The following SLCO1B1 variants were observed in gnomAD, a reference collection of about 807,000 sequenced individuals.
SLCO1B1 encodes the protein OATP-2.
A neutral mutation model predicts 70.1 loss-of-function variants in SLCO1B1; 81 were observed. The observed-to-expected ratio is 1.16, with a 90% CI of 0.97 to 1.39. The LOEUF (loss-of-function observed/expected upper bound fraction) is 1.39. Ranked by LOEUF, SLCO1B1 falls within the 40% of genes most tolerant of loss-of-function variation. The pLI is 0.00. For synonymous variants in SLCO1B1, 283 were observed against 271.5 expected, an observed-to-expected ratio of 1.04 and a Z score of -0.42; for missense variants, 895 against 799.6, an observed-to-expected ratio of 1.12 and a Z score of -1.44.
chr12:21,160,113 A>AAG (rs1216347657), intron 2 of SLCO1B1, among the ~76,000 whole-genome samples: 9 of 151,568 alleles, frequency 5.9e-5, no homozygotes, highest in African/African-American at 1.9e-4. Context: ...AACTAAAAAA[A>AAG]AAAAAAAAAA....
chr12:21,216,479 A>G (rs1392955703), intron 11 of SLCO1B1, among the ~76,000 whole-genome samples: 2 of 152,156 alleles, frequency 1.3e-5, no homozygotes, highest in African/African-American at 4.8e-5. Context: ...AAAATCTGAA[A>G]TCACTTGTTT....
chr12:21,165,450 A>G (rs978802894), intron 2 of SLCO1B1, among the ~76,000 whole-genome samples: 1 of 152,138 alleles, frequency 6.6e-6, no homozygotes. Context: ...AACGTCTGAG[A>G]AGATTGTATC....
At chr12:21,179,613 G>C (rs1430313384) in intron 7 of SLCO1B1, among the ~76,000 whole-genome samples, 1 of 152,144 alleles carries the variant, frequency 6.6e-6, no homozygotes, top group Non-Finnish European at 1.5e-5. Context: ...AGATGAAAGA[G>C]ATGCCATGTT....
intron 2 of SLCO1B1, among the ~76,000 whole-genome samples, chr12:21,149,558 C>T (rs1042544458): frequency 4.6e-5 from 7 of 152,038 alleles, no homozygotes; most frequent in Middle Eastern, 3.2e-3. Context: ...GGGGGCAAGC[C>T]GAAGCAGGGT....
Position 21,172,779 on chromosome 12 carries a change from A to C in SLCO1B1, c.214A>C (p.Ser72Arg). 1 of 1,613,124 alleles carries C rather than the reference A, an allele frequency of 6.2e-7. No homozygotes were observed. Among genetic ancestry groups the C allele is most frequent in the Middle Eastern group, 1.7e-4 (1 of 6,054 alleles). ...SSSLVGFIDGSFEIGNLLVIV... is the reference protein window; with the variant it reads ...SSSLVGFIDGRFEIGNLLVIV... Reference sequence around the variant, plus strand: ...TTCTCTTGTTGGTTTTATTGACGGAAGCTTTGAAATTGGTAACATTTATTT... The same window carrying C: ...TTCTCTTGTTGGTTTTATTGACGGACGCTTTGAAATTGGTAACATTTATTT... The change falls in exon 3 of 15, where the codon AGC becomes CGC. Residue 72 changes from serine to arginine, a missense_variant. Ser to Arg is a moderately radical substitution (Grantham distance 110, BLOSUM62 -1). Coordinates refer to ENST00000256958, the MANE Select transcript of SLCO1B1 (RefSeq NM_006446.5).
At chr12:21,206,947 G>T (rs1208448861) in intron 11 of SLCO1B1, among the ~76,000 whole-genome samples, 1 of 151,794 alleles carries the variant, frequency 6.6e-6, no homozygotes, top group Non-Finnish European at 1.5e-5. Context: ...ATAAGGAATG[G>T]CATGTAGAAT....
chr12:21,138,698 A>T (rs1447324584), intron 1 of SLCO1B1, among the ~76,000 whole-genome samples: 3 of 152,158 alleles, frequency 2.0e-5, no homozygotes, highest in Non-Finnish European at 4.4e-5. Flanking sequence ...GTACAGCAGG[A>T]TGGGAGATAT....
In SLCO1B1 at chr12:21,202,622, C is replaced by G. The variant is rs757578181; in HGVS notation, c.1267C>G (p.Leu423Val). Residue 423 changes from leucine to valine, a missense_variant, in exon 10 of 15, where the codon CTA (leucine) becomes GTA (valine). By Grantham distance (32) the Leu-to-Val change is conservative (BLOSUM62 1). Transcript: ENST00000256958. ...TGCTGTGATGTCATTGTCCTTTTAC[C>G]TATTATATTTTTTCATACTCTGTGA... The part of the protein sequence containing the change: ...FTAVMSLSFY[L>V]LYFFILCENK... The G allele has an allele frequency of 6.2e-7, 1 of 1,612,822 alleles. No homozygotes were observed. Among genetic ancestry groups the G allele is most frequent in the East Asian group, 2.2e-5 (1 of 44,752 alleles).
At chr12:21,236,251 T>C (rs1246962778) in intron 14 of SLCO1B1, among the ~76,000 whole-genome samples, 1 of 152,102 alleles carries the variant, frequency 6.6e-6, no homozygotes, top group Admixed American at 6.6e-5. Context: ...CCCACTCTTT[T>C]AGGGGAAGAA....
At chr12:21,189,534 G>A (rs1941004565) in intron 7 of SLCO1B1, among the ~76,000 whole-genome samples, 1 of 151,630 alleles carries the variant, frequency 6.6e-6, no homozygotes, top group South Asian at 2.1e-4. Flanking sequence ...TGCAATCTCT[G>A]CCTGCCAGGT....
intron 14 of SLCO1B1, among the ~76,000 whole-genome samples, chr12:21,233,584 A>AG (rs1565446220): frequency 7.8e-6 from 1 of 128,026 alleles, no homozygotes; most frequent in Non-Finnish European, 1.6e-5. Context: ...AAAAAAAAAA[A>AG]CAAGAGCCCC....
chr12:21,145,298 T>A (rs1940365393), intron 2 of SLCO1B1, among the ~76,000 whole-genome samples: 1 of 151,994 alleles, frequency 6.6e-6, no homozygotes, highest in African/African-American at 2.4e-5. Flanking sequence ...AGTTCCAACA[T>A]AGTAGCATTA....
intron 14 of SLCO1B1, among the ~76,000 whole-genome samples, chr12:21,232,522 T>C (rs1372379932): frequency 1.3e-5 from 2 of 152,030 alleles, no homozygotes; most frequent in African/African-American, 2.4e-5. Context: ...GCTTAAAAAG[T>C]AGGCTTATAG....
At chr12:21,176,634 T>C in intron 4 of SLCO1B1, 142 bp from the exon 5 acceptor site, 1 of 651,788 alleles carries the variant, frequency 1.5e-6, no homozygotes, top group Non-Finnish European at 2.7e-6. Flanking sequence ...TTAAAACACA[T>C]GCTGGGAAAT....
At chr12:21,210,130 T>C (rs966035644) in intron 11 of SLCO1B1, among the ~76,000 whole-genome samples, 22 of 147,514 alleles carry the variant, frequency 1.5e-4, no homozygotes, top group African/African-American at 5.2e-4. Flanking sequence ...ATGAATTCCT[T>C]GCCCATGCCT....
intron 1 of SLCO1B1, among the ~76,000 whole-genome samples, chr12:21,139,625 T>C (rs1481740432): frequency 1.3e-5 from 2 of 152,148 alleles, no homozygotes; most frequent in East Asian, 1.9e-4. Flanking sequence ...TCACAGATTC[T>C]ATATAAGAAA....
At chr12:21,160,877 G>A (rs1940609551) in intron 2 of SLCO1B1, among the ~76,000 whole-genome samples, 1 of 151,768 alleles carries the variant, frequency 6.6e-6, no homozygotes, top group South Asian at 2.1e-4. Context: ...TTCAAAAGAA[G>A]ACATACACAT....
chr12:21,147,678 A>G (rs1591798604), intron 2 of SLCO1B1, among the ~76,000 whole-genome samples: 1 of 152,168 alleles, frequency 6.6e-6, no homozygotes, highest in Non-Finnish European at 1.5e-5. Context: ...TATCCATTCA[A>G]TTATTGATGG....
chr12:21,140,601 A>G (rs1379050094), intron 1 of SLCO1B1, among the ~76,000 whole-genome samples: 14 of 152,010 alleles, frequency 9.2e-5, no homozygotes, highest in African/African-American at 3.1e-4. Flanking sequence ...GATACAACCT[A>G]AAAGCTGATG....
Sources: gnomAD v4.1 joint callset for allele counts (sites outside exome capture counted in the v4.1 genomes callset) on GRCh38, gnomAD v4.1.1 for gene constraint, MANE v1.5 for transcripts, NCBI Gene and HGNC (gene_info 2026-07-23, HGNC 2026-07-21) for gene names.